Variants in PJVK observed in about 807,000 individuals in gnomAD.
PJVK encodes the protein autosomal recessive deafness type 59 protein.
A neutral mutation model predicts 37.6 loss-of-function variants in PJVK; 33 were observed. That is an observed-to-expected ratio of 0.88 (90% CI 0.67 to 1.17). The LOEUF is 1.17. Ranked by LOEUF, PJVK falls within the 50% of genes most tolerant of loss-of-function variation. The probability of loss-of-function intolerance (pLI) is 0.00; values close to 1 mark genes in which losing one functional copy is unlikely to be tolerated. For synonymous variants in PJVK, 141 were observed against 143.5 expected, an observed-to-expected ratio of 0.98 and a Z score of 0.13; for missense variants, 410 against 413.8, an observed-to-expected ratio of 0.99 and a Z score of 0.08.
In PJVK at chr2:178,456,062, G is replaced by A. The variant is rs913259140; in HGVS notation, c.460G>A (p.Ala154Thr). 6.2e-7 allele frequency: 1 copy of A among 1,614,182 alleles called. No homozygotes were observed. Among genetic ancestry groups the A allele is most frequent in the Non-Finnish European group, 8.5e-7 (1 of 1,180,046 alleles). The change falls in exon 4 of 7, where the codon GCA (alanine) becomes ACA (threonine). Residue 154 changes from alanine (A) to threonine (T), a missense_variant. Ala to Thr is a moderately conservative substitution (Grantham distance 58). Coordinates refer to ENST00000644580, the MANE Select transcript of PJVK (RefSeq NM_001042702.5). ...LIRQSRSSRK[A>T]VLCVVMESIR... ...ACGTCAGTCAAGGAGCAGCAGAAAG[G>A]CAGTATTGTGTGTGGTCATGGAGAG...
At chr2:178,455,776 CTTCAACAGACT>C (rs1312956489) in intron 3 of PJVK, among the ~76,000 whole-genome samples, 1 of 152,154 alleles carries the variant, frequency 6.6e-6, no homozygotes, top group Non-Finnish European at 1.5e-5. Context: ...ATAGAGTCCC[CTTCAACAGACT>C]TTCAACAGAC....
chr2:178,453,468 T>C lies in PJVK; in HGVS notation c.59T>C (p.Val20Ala). Residue 20 changes from valine to alanine, a missense_variant, in exon 2 of 7, where the codon GTT becomes GCT. Transcript: ENST00000644580. ...CAAGTTGGAGATGGAGGGAGATTAGTTCCTGTTCCAAGCCTCAGTGAAGCT... is the reference window on the plus strand; with the variant it reads ...CAAGTTGGAGATGGAGGGAGATTAGCTCCTGTTCCAAGCCTCAGTGAAGCT... ...VKQVGDGGRL[V>A]PVPSLSEADK... 1.2e-6 allele frequency: 2 copies of C among 1,614,170 alleles called. No homozygotes were observed. The highest frequency in any genetic ancestry group is 1.7e-5 in the Admixed American group (1 of 60,022).
At position 178,460,998 on chromosome 2, in the gene PJVK, T is replaced by C; in HGVS notation, c.783T>C (p.Asp261=). Residue 261 remains aspartate, a synonymous_variant, in exon 7 of 7, where the codon GAT becomes GAC. Transcript: ENST00000644580. ...TCCTTTTAGATAGAAGAGTGATGGA[T>C]GTCATTTCTCGTTCACAGCTTTACT... The part of the protein sequence containing the change: ...ILFERNRRVM[D]VISRSQLYLD... The C allele has an allele frequency of 1.2e-6, 2 of 1,613,956 alleles. No homozygotes were observed. The highest frequency in any genetic ancestry group is 1.7e-5 in the Admixed American group (1 of 60,020).
chr2:178,461,795 G>C lies in PJVK; in HGVS notation c.*521G>C, dbSNP rs1031785233. Among the ~76,000 whole-genome samples the C allele has an allele frequency of 6.6e-6, 1 of 152,020 alleles. No individual in the cohort carries two copies. The highest frequency in any genetic ancestry group is 2.4e-5 in the African/African-American group (1 of 41,394). On this transcript the variant is annotated 3_prime_UTR_variant, in exon 7 of 7. Coordinates refer to ENST00000644580, the MANE Select transcript of PJVK (RefSeq NM_001042702.5). ...AGACAGAGTTTTACCATCTTGGCCA[G>C]GCTGATCTTGAACTCCTGACCTTGT... is the stretch of plus-strand genomic sequence containing the variant.
intron 2 of PJVK, chr2:178,454,045 G>A (rs1397303122): frequency 8.8e-6 from 3 of 341,856 alleles, no homozygotes; most frequent in Non-Finnish European, 1.7e-5. Flanking sequence ...ATTTTGATGA[G>A]TTACTACTTA....
chr2:178,457,294 C>T (rs1684173575), intron 4 of PJVK, among the ~76,000 whole-genome samples: 1 of 152,182 alleles, frequency 6.6e-6, no homozygotes. Flanking sequence ...GCCATACATG[C>T]TTTATTCAAG....
rs763409264 is a variant in PJVK at position 178,456,027 on chromosome 2, A to C, written c.425A>C (p.His142Pro). 4 of 1,614,040 alleles carry C rather than the reference A, an allele frequency of 2.5e-6. No homozygotes were observed. In the African/African-American group the frequency reaches 4.0e-5, roughly 16 times the overall value. ...EITTRKINFD[H>P]SLIRQSRSSR... is the part of the protein sequence containing the mutation. Reference sequence around the variant, plus strand: ...TATTTTAGAAAAATTAACTTTGACCACAGCTTGATACGTCAGTCAAGGAGC... The same window carrying C: ...TATTTTAGAAAAATTAACTTTGACCCCAGCTTGATACGTCAGTCAAGGAGC... Residue 142 changes from histidine (H) to proline (P), a missense_variant, in exon 4 of 7, where the codon CAC (histidine) becomes CCC (proline). Transcript: ENST00000644580.
intron 4 of PJVK, among the ~76,000 whole-genome samples, chr2:178,457,073 A>G (rs942298821): frequency 6.6e-6 from 1 of 151,836 alleles, no homozygotes; most frequent in South Asian, 2.1e-4. Context: ...GGTTCATGCC[A>G]TTCTTCTGCC....
Position 178,455,124 on chromosome 2 carries a change from G to C in PJVK, c.407+597G>C, listed in dbSNP as rs1296622530. On this transcript the variant is annotated intron_variant, in intron 3 of 6. Coordinates refer to ENST00000644580, the MANE Select transcript of PJVK (RefSeq NM_001042702.5). ...TACAACGAAGTGAAGGCGGAGGAGA[G>C]CTCGTGGCTCATTGAGGACGGCAAG... 10 of 1,600,618 alleles carry C rather than the reference G, an allele frequency of 6.2e-6. No individual in the cohort carries two copies. The East Asian group carries it at 2.2e-4, about 36-fold the overall frequency.
rs965052451 is a variant in PJVK at position 178,451,481 on chromosome 2, C to T, written c.-311C>T. On this transcript the variant is annotated 5_prime_UTR_variant, in exon 1 of 7. Transcript: ENST00000644580. ...ATTAGAGGGATTGTCCGGCGTGGGT[C>T]TAGGGTCGTTGAGGCCTAAAGTTAA... 1 of 165,798 alleles carries T rather than the reference C, an allele frequency of 6.0e-6. No homozygotes were observed. Among genetic ancestry groups the T allele is most frequent in the African/African-American group, 2.4e-5 (1 of 41,776 alleles). The allele number at this position is 165,798 out of a possible 1,614,324, so 10.3% of individuals were successfully genotyped here.
In PJVK at chr2:178,462,083, T is replaced by G. The variant is rs570563660; in HGVS notation, c.*809T>G. 2.7e-4 allele frequency among the ~76,000 whole-genome samples: 41 copies of G among 150,828 alleles called. No individual in the cohort carries two copies. Among genetic ancestry groups the G allele is most frequent in the African/African-American group, 9.2e-4 (38 of 41,408 alleles). ...TAAATGTTTAATTGCAGTATCAAAT[T>G]AAAAGCACACTGAACTCAACATGGG... On this transcript the variant is annotated 3_prime_UTR_variant, in exon 7 of 7. Coordinates refer to ENST00000644580, the MANE Select transcript of PJVK (RefSeq NM_001042702.5).
chr2:178,453,994 A>G, intron 2 of PJVK: 1 of 317,104 alleles, frequency 3.2e-6, no homozygotes, highest in Non-Finnish European at 6.2e-6. Flanking sequence ...ACAATTGGTA[A>G]ACTGAAATGT....
chr2:178,456,564 G>A (rs988648821), intron 4 of PJVK, among the ~76,000 whole-genome samples: 1 of 152,146 alleles, frequency 6.6e-6, no homozygotes, highest in South Asian at 2.1e-4. Context: ...TCAGGAGTTG[G>A]AGATCAAGTT....
At chr2:178,457,615 C>T (rs1034281867) in intron 4 of PJVK, among the ~76,000 whole-genome samples, 3 of 149,232 alleles carry the variant, frequency 2.0e-5, no homozygotes, top group African/African-American at 5.0e-5. Flanking sequence ...GTAGCAGTCT[C>T]TTCTCCAAAC....
At chr2:178,456,627 G>A (rs1247687662) in intron 4 of PJVK, among the ~76,000 whole-genome samples, 3 of 152,084 alleles carry the variant, frequency 2.0e-5, no homozygotes, top group Admixed American at 6.6e-5. Flanking sequence ...TTAGCCAGGT[G>A]TGGTGGTACA....
chr2:178,458,736 A>T lies in PJVK; in HGVS notation c.667+109A>T, dbSNP rs774006888. ...CTCTCATTTCTCGTGTCTAACAATT[A>T]TAGAAGATGCTCTCAGCACTGTCAA... On this transcript the variant is annotated intron_variant, in intron 5 of 6. Transcript: ENST00000644580. The T allele has an allele frequency of 7.3e-6, 7 of 961,566 alleles. No individual in the cohort carries two copies. The African/African-American group carries it at 8.0e-5, about 11-fold the overall frequency. 59.6% of individuals were successfully genotyped at this position (961,566 alleles called of 1,614,324 possible).
rs191150425 is a variant in PJVK at position 178,456,325 on chromosome 2, A to C, written c.549+174A>C. On this transcript the variant is annotated intron_variant, in intron 4 of 6. Coordinates refer to ENST00000644580, the MANE Select transcript of PJVK (RefSeq NM_001042702.5). ...GTTCTAGAATATGAAAAAAAAAAACAAATCTTGGGATTCTAAACATGTGTA... is the reference window on the plus strand; with the variant it reads ...GTTCTAGAATATGAAAAAAAAAAACCAATCTTGGGATTCTAAACATGTGTA... 4.7e-4 allele frequency: 361 copies of C among 769,610 alleles called. 2 individuals are homozygous for C. The African/African-American group carries it at 5.4e-3, about 12-fold the overall frequency. The allele number at this position is 769,610 out of a possible 1,614,324, so 47.7% of individuals were successfully genotyped here. A position where few individuals can be genotyped will look rare whatever the true frequency, so the allele number is the denominator to read the frequency against.
chr2:178,460,602 G>A (rs912645250), intron 6 of PJVK, among the ~76,000 whole-genome samples, 156 bp downstream of exon 6: 1 of 151,842 alleles, frequency 6.6e-6, no homozygotes, highest in Non-Finnish European at 1.5e-5. Context: ...CAGCACTTTG[G>A]GAGGCCAGGG....
At chr2:178,459,690 A>G (rs1684362603) in intron 5 of PJVK, 1 of 154,302 alleles carries the variant, frequency 6.5e-6, no homozygotes, top group South Asian at 2.1e-4. Context: ...CTAATTGGAT[A>G]ACTTTAGGTT....
Sources: gnomAD v4.1 joint callset for allele counts (sites outside exome capture counted in the v4.1 genomes callset) on GRCh38, gnomAD v4.1.1 for gene constraint, MANE v1.5 for transcripts, NCBI Gene and HGNC (gene_info 2026-07-23, HGNC 2026-07-21) for gene names.